Variants in DLGAP2 observed in about 807,000 individuals in gnomAD.
The protein encoded by DLGAP2 is DLG associated protein 2.
Under a neutral mutation model 100.3 loss-of-function variants are expected in DLGAP2, and 26 were observed. The ratio of observed to expected loss-of-function variants is 0.26; its 90% CI spans 0.19 to 0.36. The LOEUF (loss-of-function observed/expected upper bound fraction) is 0.36, where lower values mean the gene tolerates loss of function less well. DLGAP2 is among the 10% of genes least tolerant of loss of function. The probability of loss-of-function intolerance (pLI) is 1.00; values close to 1 mark genes in which losing one functional copy is unlikely to be tolerated. For missense variants in DLGAP2, 1,858 were observed against 1,453.2 expected, an observed-to-expected ratio of 1.28 and a Z score of -4.53; for synonymous variants, 886 against 630.1, an observed-to-expected ratio of 1.41 and a Z score of -6.08.
chr8:1,387,310 A>G (rs1165206401), intron 3 of DLGAP2, among the ~76,000 whole-genome samples: 1 of 152,242 alleles, frequency 6.6e-6, no homozygotes, highest in Non-Finnish European at 1.5e-5. Flanking sequence ...TACATGAAAA[A>G]TTAGTATAAA....
chr8:790,295 G>A (rs898288337), intron 1 of DLGAP2, among the ~76,000 whole-genome samples: 1 of 152,220 alleles, frequency 6.6e-6, no homozygotes, highest in African/African-American at 2.4e-5. Context: ...GTTTGCCTGG[G>A]CTGTGCAGGG....
intron 1 of DLGAP2, among the ~76,000 whole-genome samples, chr8:825,197 A>G (rs939874381): frequency 6.6e-6 from 1 of 152,198 alleles, no homozygotes; most frequent in Non-Finnish European, 1.5e-5. Context: ...TACGGCTGTC[A>G]GGATACATAC....
chr8:1,127,402 G>A (rs116073793), intron 2 of DLGAP2, among the ~76,000 whole-genome samples: 2,221 of 152,100 alleles, frequency 0.015, 49 homozygotes, highest in African/African-American at 0.051. Context: ...GCCCATTCAC[G>A]TGTAGAGGTC....
chr8:1,181,622 A>C (rs1389491338), intron 2 of DLGAP2, among the ~76,000 whole-genome samples: 1 of 152,094 alleles, frequency 6.6e-6, no homozygotes, highest in African/African-American at 2.4e-5. Context: ...TAATCTATAC[A>C]ATAAGCCCCC....
intron 8 of DLGAP2, among the ~76,000 whole-genome samples, chr8:1,663,447 G>A (rs60617460): frequency 0.16 from 23,718 of 151,978 alleles, 3,083 homozygotes; most frequent in African/African-American, 0.36. Flanking sequence ...CCGCTTCGTG[G>A]GACGCCGGAC....
chr8:1,012,842 C>T (rs1285426157), intron 2 of DLGAP2, among the ~76,000 whole-genome samples: 1 of 151,888 alleles, frequency 6.6e-6, no homozygotes, highest in African/African-American at 2.4e-5. Flanking sequence ...CCCGCCTCCA[C>T]CCATCACGAT....
chr8:1,311,956 G>T (rs1345022694), intron 3 of DLGAP2, among the ~76,000 whole-genome samples: 1 of 152,210 alleles, frequency 6.6e-6, no homozygotes, highest in Non-Finnish European at 1.5e-5. Flanking sequence ...TAATGCTGGA[G>T]ATTTTGAGTG....
Position 1,056,538 on chromosome 8 carries a change from C to A in DLGAP2, c.73+148572C>A, listed in dbSNP as rs188215654. Among the ~76,000 whole-genome samples, 84 of 152,206 alleles carry A rather than the reference C, an allele frequency of 5.5e-4. No homozygotes were observed. The East Asian group carries it at 0.015, about 27-fold the overall frequency. The stretch of plus-strand genomic sequence containing the variant: ...ACTATTAAAGAAAATTTTATTTTTC[C>A]CCTAAGCCAGCAGGACTCCAACTAA... On this transcript the variant is annotated intron_variant, in intron 2 of 14. Coordinates refer to ENST00000637795, the MANE Select transcript of DLGAP2 (RefSeq NM_001346810.2).
chr8:1,646,187 T>C (rs183763694), intron 8 of DLGAP2, among the ~76,000 whole-genome samples: 20 of 152,256 alleles, frequency 1.3e-4, no homozygotes, highest in Non-Finnish European at 1.5e-5. Context: ...ACGTCCTATC[T>C]AGTGGAAGAA....
At chr8:877,184 C>A (rs1797701668) in intron 1 of DLGAP2, among the ~76,000 whole-genome samples, 1 of 152,068 alleles carries the variant, frequency 6.6e-6, no homozygotes, top group African/African-American at 2.4e-5. Context: ...TTGTATGGAT[C>A]ATACTTTCCT....
chr8:890,338 C>T (rs769705767), intron 1 of DLGAP2, among the ~76,000 whole-genome samples: 1 of 152,148 alleles, frequency 6.6e-6, no homozygotes, highest in Non-Finnish European at 1.5e-5. Context: ...GACCACTTGT[C>T]GTTGCAGGCG....
chr8:1,313,275 C>T (rs190909623), intron 3 of DLGAP2, among the ~76,000 whole-genome samples: 6 of 152,286 alleles, frequency 3.9e-5, no homozygotes, highest in East Asian at 3.9e-4. Flanking sequence ...GTTCAGCATG[C>T]GTTGCATTAT....
intron 2 of DLGAP2, among the ~76,000 whole-genome samples, chr8:1,071,338 C>T (rs1224467417): frequency 1.3e-5 from 2 of 152,196 alleles, no homozygotes; most frequent in African/African-American, 4.8e-5. Flanking sequence ...CGGCCGCCTC[C>T]ACGGTGCTTG....
chr8:741,608 G>C (rs1820487611), intron 1 of DLGAP2, among the ~76,000 whole-genome samples: 1 of 152,202 alleles, frequency 6.6e-6, no homozygotes, highest in South Asian at 2.1e-4. Context: ...TGTCCTGTCT[G>C]TATTTATTGG....
chr8:1,258,960 TG>T (rs1189167774), intron 3 of DLGAP2, 77 bp downstream of exon 3: 19 of 1,154,572 alleles, frequency 1.6e-5, no homozygotes, highest in Admixed American at 8.5e-5. Flanking sequence ...CAGTCTACCA[TG>T]AAACGTGTTG....
intron 2 of DLGAP2, among the ~76,000 whole-genome samples, chr8:953,343 G>C (rs1329477381): frequency 6.6e-6 from 1 of 151,996 alleles, no homozygotes; most frequent in African/African-American, 2.4e-5. Flanking sequence ...ACAGACACTT[G>C]TCACCACGCC....
intron 2 of DLGAP2, among the ~76,000 whole-genome samples, chr8:1,148,281 A>G (rs7822103): frequency 0.18 from 27,754 of 152,062 alleles, 2,732 homozygotes; most frequent in Middle Eastern, 0.31. Flanking sequence ...AAATATTCTC[A>G]TGTCTTTAGG....
In DLGAP2 at chr8:1,587,669, A is replaced by G. The variant is rs183161649; in HGVS notation, c.1442+21775A>G. ...GGTGAATGAATGAAATGAAGGAGAG[A>G]TAGGGTTACTATTAAAAATATAGCT... is the stretch of plus-strand genomic sequence containing the variant. On this transcript the variant is annotated intron_variant, in intron 6 of 14. Transcript: ENST00000637795. 3.3e-5 allele frequency among the ~76,000 whole-genome samples: 5 copies of G among 152,276 alleles called. No individual in the cohort carries two copies. The East Asian group carries it at 9.6e-4, about 29-fold the overall frequency.
intron 3 of DLGAP2, among the ~76,000 whole-genome samples, chr8:1,287,041 G>A (rs1458328062): frequency 3.3e-5 from 5 of 152,198 alleles, no homozygotes; most frequent in Non-Finnish European, 7.3e-5. Flanking sequence ...GTTCAACTCA[G>A]TGTTGTGTGT....
Sources: allele counts gnomAD v4.1 joint callset (sites outside exome capture counted in the v4.1 genomes callset), GRCh38; gene constraint gnomAD v4.1.1; transcripts MANE v1.5; gene names NCBI Gene and HGNC (gene_info 2026-07-23, HGNC 2026-07-21).